The following TTC7B variants were observed in gnomAD, a reference collection of about 807,000 sequenced individuals.
TTC7B encodes the protein tetratricopeptide repeat protein 7B.
TTC7B carries 28 observed loss-of-function variants against 106.8 expected under a neutral mutation model. That is an observed-to-expected ratio of 0.26 (90% CI 0.19 to 0.36). The LOEUF (loss-of-function observed/expected upper bound fraction) is 0.36, where lower values mean the gene tolerates loss of function less well. Among genes scored for constraint, TTC7B ranks in the 10% least tolerant of loss-of-function variants. The probability of loss-of-function intolerance (pLI) is 1.00; values close to 1 mark genes in which losing one functional copy is unlikely to be tolerated. For missense variants in TTC7B, 862 were observed against 1,076.4 expected (o/e 0.80, Z 2.79); for synonymous variants, 405 against 430.6 (o/e 0.94, Z 0.74).
chr14:90,754,206 C>G (rs1890216521), intron 3 of TTC7B, among the ~76,000 whole-genome samples: 1 of 152,182 alleles, frequency 6.6e-6, no homozygotes, highest in African/African-American at 2.4e-5. Flanking sequence ...GAGTGTACAA[C>G]TGGTAAGTAA....
At chr14:90,545,799 C>T (rs1402026702) in intron 19 of TTC7B, among the ~76,000 whole-genome samples, 3 of 152,212 alleles carry the variant, frequency 2.0e-5, no homozygotes, top group African/African-American at 4.8e-5. Context: ...GAACCAACCC[C>T]GAGGGGCTAA....
intron 3 of TTC7B, 102 bp from the exon 4 acceptor site, chr14:90,745,024 T>C: frequency 8.5e-7 from 1 of 1,178,376 alleles, no homozygotes; most frequent in Non-Finnish European, 1.2e-6. Flanking sequence ...TAGAATATCA[T>C]GTTGTTTGCA....
intron 3 of TTC7B, among the ~76,000 whole-genome samples, chr14:90,754,636 C>T (rs1160960364): frequency 6.6e-6 from 1 of 152,172 alleles, no homozygotes; most frequent in Non-Finnish European, 1.5e-5. Context: ...GTGTACAGTT[C>T]GGTGGTTTTA....
chr14:90,591,023 G>A (rs1166284917), intron 18 of TTC7B, among the ~76,000 whole-genome samples: 1 of 152,170 alleles, frequency 6.6e-6, no homozygotes, highest in Admixed American at 6.5e-5. Flanking sequence ...CGGATCTTGT[G>A]TGATTATATT....
chr14:90,621,642 T>C (rs1884193457), intron 15 of TTC7B, among the ~76,000 whole-genome samples: 1 of 152,182 alleles, frequency 6.6e-6, no homozygotes, highest in South Asian at 2.1e-4. Flanking sequence ...AGCCACACAA[T>C]TGTAGGCAGT....
chr14:90,693,532 C>T (rs550115041), intron 6 of TTC7B, among the ~76,000 whole-genome samples: 8 of 152,232 alleles, frequency 5.3e-5, no homozygotes, highest in South Asian at 4.1e-4. Flanking sequence ...CTGGCAGCCA[C>T]GAGGGCCTAC....
At chr14:90,630,979 C>T (rs1468952887) in intron 15 of TTC7B, among the ~76,000 whole-genome samples, 2 of 152,022 alleles carry the variant, frequency 1.3e-5, no homozygotes, top group Non-Finnish European at 2.9e-5. Flanking sequence ...GGATTACAGG[C>T]GCCTGCCACC....
chr14:90,552,126 G>C (rs1257871697), intron 19 of TTC7B, among the ~76,000 whole-genome samples: 4 of 152,200 alleles, frequency 2.6e-5, no homozygotes, highest in African/African-American at 7.2e-5. Flanking sequence ...GCCAGGTCCT[G>C]GTGTTCTGGC....
intron 1 of TTC7B, among the ~76,000 whole-genome samples, chr14:90,794,194 C>T (rs1173655298): frequency 6.7e-6 from 1 of 150,152 alleles, no homozygotes; most frequent in Admixed American, 6.6e-5. Flanking sequence ...TGAGCCACTG[C>T]ACCTGGCTGG....
At chr14:90,664,366 A>T (rs2003254) in intron 9 of TTC7B, among the ~76,000 whole-genome samples, 34,540 of 151,932 alleles carry the variant, frequency 0.23, 4,208 homozygotes, top group Non-Finnish European at 0.28. Context: ...GCCTCCTGGG[A>T]TCAAGCGATT....
rs1301783329 is a variant in TTC7B, at chr14:90,570,546, A to G, written c.2310+7560T>C. ...CCCTGGCTCTGCAGAAACAGGCAGC[A>G]AGTCACACTCAAAAGCGAAGCATCG... is the stretch of plus-strand genomic sequence containing the variant. On this transcript the variant is annotated intron_variant, in intron 19 of 19. Transcript: ENST00000328459. This position sits in a 1 kb window ranked among gnomAD's most constrained non-coding sequence, Gnocchi z 4.0. Among the ~76,000 whole-genome samples the G allele has an allele frequency of 6.6e-6, 1 of 152,170 alleles. No homozygotes were observed. The highest frequency in any genetic ancestry group is 1.9e-4 in the East Asian group (1 of 5,176).
At chr14:90,559,353 G>C (rs141235294) in intron 19 of TTC7B, among the ~76,000 whole-genome samples, 1 of 152,350 alleles carries the variant, frequency 6.6e-6, no homozygotes, top group African/African-American at 2.4e-5. Context: ...TGCAGTGCTC[G>C]CAGGAGTCTT....
intron 3 of TTC7B, among the ~76,000 whole-genome samples, chr14:90,779,541 G>T (rs1283933980): frequency 6.6e-6 from 1 of 152,176 alleles, no homozygotes; most frequent in African/African-American, 2.4e-5. Context: ...CTGACCTCAG[G>T]TGATCTGCCC....
At chr14:90,613,978 G>A (rs1361513880) in intron 16 of TTC7B, among the ~76,000 whole-genome samples, 6 of 152,198 alleles carry the variant, frequency 3.9e-5, no homozygotes, top group Non-Finnish European at 7.3e-5. Context: ...GGTTAAACAC[G>A]AGAGGCTTGG....
intron 1 of TTC7B, among the ~76,000 whole-genome samples, chr14:90,792,380 C>G (rs990837207): frequency 6.6e-6 from 1 of 151,998 alleles, no homozygotes. Flanking sequence ...AGTTCAAGAC[C>G]AGCTTGGCCA....
rs1884365186 is a variant in TTC7B at position 90,624,811 on chromosome 14, C to T, written c.1752-6766G>A. On this transcript the variant is annotated intron_variant, in intron 15 of 19. Coordinates refer to ENST00000328459, the MANE Select transcript of TTC7B (RefSeq NM_001010854.2). This position sits in a 1 kb window ranked among gnomAD's most constrained non-coding sequence, Gnocchi z 4.0. ...GTCTTAGTAACTGCTTTAGAGGTAACATCACGGGAACCTTGAACATTTCGT... is the reference window on the plus strand; with the variant it reads ...GTCTTAGTAACTGCTTTAGAGGTAATATCACGGGAACCTTGAACATTTCGT... 6.6e-6 allele frequency among the ~76,000 whole-genome samples: 1 copy of T among 152,242 alleles called. No individual in the cohort carries two copies. The highest frequency in any genetic ancestry group is 1.5e-5 in the Non-Finnish European group (1 of 68,050).
chr14:90,572,304 GGTGTCGTTAGTCAGCA>G (rs142832785), intron 19 of TTC7B, among the ~76,000 whole-genome samples: 2,440 of 152,220 alleles, frequency 0.016, 73 homozygotes, highest in African/African-American at 0.056. Context: ...TTCTCAGAGT[GGTGTCGTTAGTCAGCA>G]GTGTCGTTAG....
rs1887390923 is a variant in TTC7B, at chr14:90,689,673, T to C, written c.817A>G (p.Met273Val). The change falls in exon 7 of 20, where the codon ATG becomes GTG. Residue 273 changes from methionine to valine, a missense_variant. Coordinates refer to ENST00000328459, the MANE Select transcript of TTC7B (RefSeq NM_001010854.2). ...RQLAEILLRG[M>V]CEQSYWNPLE... ...GGGTTCCAGTAGCTCTGCTCACACA[T>C]ACCCCGCAACAAGATCTCTGCCAGC... 1 of 1,614,154 alleles carries C rather than the reference T, an allele frequency of 6.2e-7. No individual in the cohort carries two copies. The highest frequency in any genetic ancestry group is 8.5e-7 in the Non-Finnish European group (1 of 1,180,018).
chr14:90,705,278 C>T (rs1888160066), intron 5 of TTC7B, among the ~76,000 whole-genome samples: 1 of 152,176 alleles, frequency 6.6e-6, no homozygotes, highest in Admixed American at 6.5e-5. Flanking sequence ...TGAGATACCA[C>T]TAACTGGTTC....
Sources: gnomAD v4.1 joint callset for allele counts (sites outside exome capture counted in the v4.1 genomes callset) on GRCh38, gnomAD v4.1.1 for gene constraint, Gnocchi (gnomAD v3.1) non-coding constraint, MANE v1.5 for transcripts, NCBI Gene and HGNC (gene_info 2026-07-23, HGNC 2026-07-21) for gene names.